The following IFNGR1 variants were observed in gnomAD, a reference collection of about 807,000 sequenced individuals.
IFNGR1 encodes the protein AVP, type 2.
In IFNGR1, 23 loss-of-function variants were observed where a neutral mutation model predicts 35.4. That is an observed-to-expected ratio of 0.65 (90% CI 0.47 to 0.92). IFNGR1 has a LOEUF of 0.92. Ranked by LOEUF, IFNGR1 falls within the 40% of genes least tolerant of loss-of-function variation. IFNGR1 has a pLI of 0.00. For missense variants in IFNGR1, 533 were observed against 583.4 expected, an observed-to-expected ratio of 0.91 and a Z score of 0.89; for synonymous variants, 199 against 209.5, an observed-to-expected ratio of 0.95 and a Z score of 0.43.
intron 1 of IFNGR1, among the ~76,000 whole-genome samples, chr6:137,212,464 G>T (rs890782916): frequency 2.0e-5 from 3 of 152,138 alleles, no homozygotes; most frequent in Admixed American, 6.5e-5. Flanking sequence ...CACCATGTTG[G>T]TCAGGCTGGT....
At position 137,197,858 on chromosome 6, in the gene IFNGR1, A is replaced by G; in HGVS notation, c.*173T>C. 1.2e-6 allele frequency: 1 copy of G among 803,506 alleles called. No individual in the cohort carries two copies. The highest frequency in any genetic ancestry group is 1.9e-6 in the Non-Finnish European group (1 of 516,474). 49.8% of individuals were successfully genotyped at this position (803,506 alleles called of 1,614,324 possible). A position where few individuals can be genotyped will look rare whatever the true frequency, so the allele number is the denominator to read the frequency against. On this transcript the variant is annotated 3_prime_UTR_variant, in exon 7 of 7. Coordinates refer to ENST00000367739, the MANE Select transcript of IFNGR1 (RefSeq NM_000416.3). ...AAAAAAAAAAAGTCTGTACTTTACAAGCCAAAAGTGAAAATGCCACACATC... is the reference window on the plus strand; with the variant it reads ...AAAAAAAAAAAGTCTGTACTTTACAGGCCAAAAGTGAAAATGCCACACATC...
At chr6:137,205,843 G>T (rs575272855) in intron 3 of IFNGR1, among the ~76,000 whole-genome samples, 30 of 152,140 alleles carry the variant, frequency 2.0e-4, no homozygotes, top group Non-Finnish European at 2.6e-4. Flanking sequence ...TTTTTTTCTG[G>T]ATTCTGGAAT....
chr6:137,211,528 C>T (rs2114503851), intron 1 of IFNGR1, among the ~76,000 whole-genome samples: 1 of 152,286 alleles, frequency 6.6e-6, no homozygotes, highest in East Asian at 1.9e-4. Context: ...GACCAGACAC[C>T]TAGGTTTTCT....
intron 2 of IFNGR1, chr6:137,206,745 T>A: frequency 1.8e-6 from 1 of 555,674 alleles, no homozygotes; most frequent in Non-Finnish European, 3.2e-6. Context: ...ATCTCAGAAG[T>A]TTAGTGATAC....
Position 137,204,493 on chromosome 6 carries a change from G to A in IFNGR1, c.385C>T (p.Pro129Ser), listed in dbSNP as rs769242277. The A allele has an allele frequency of 1.9e-6, 3 of 1,613,266 alleles. No homozygotes were observed. Among genetic ancestry groups the A allele is most frequent in the Non-Finnish European group, 2.5e-6 (3 of 1,179,272 alleles). Residue 129 changes from proline (P) to serine (S), a missense_variant, in exon 4 of 7, where the codon CCA becomes TCA. By Grantham distance (74) the Pro-to-Ser change is moderately conservative (BLOSUM62 -1). Transcript: ENST00000367739. Reference protein sequence around the residue: ...FAVCRDGKIGPPKLDIRKEEK... With the variant: ...FAVCRDGKIGSPKLDIRKEEK... ...TCCTTTCTGATATCCAGTTTAGGTG[G>A]TCCAATTTTTCCTGGGGAAGGAGGA...
intron 1 of IFNGR1, chr6:137,210,109 G>C: frequency 2.8e-6 from 1 of 356,710 alleles, no homozygotes; most frequent in Non-Finnish European, 5.0e-6. Context: ...CCAGCATTTT[G>C]GGAGGCTGAG....
intron 1 of IFNGR1, among the ~76,000 whole-genome samples, chr6:137,207,894 C>G (rs1779480269): frequency 6.6e-6 from 1 of 152,140 alleles, no homozygotes. Context: ...CAGGCAGAGA[C>G]TGGAACAGTT....
At chr6:137,205,148 G>A (rs1582636083) in intron 3 of IFNGR1, among the ~76,000 whole-genome samples, 1 of 152,308 alleles carries the variant, frequency 6.6e-6, no homozygotes, top group East Asian at 1.9e-4. Flanking sequence ...CTAACATGCA[G>A]ATGGTGTGGT....
At chr6:137,206,810 C>G (rs1256022776) in intron 2 of IFNGR1, 153 bp downstream of exon 2, 7 of 626,998 alleles carry the variant, frequency 1.1e-5, no homozygotes, top group Non-Finnish European at 1.7e-5. Context: ...AAATATTTGG[C>G]AAAGAATTTG....
chr6:137,213,064 T>C (rs1002163598), intron 1 of IFNGR1, among the ~76,000 whole-genome samples: 6 of 152,354 alleles, frequency 3.9e-5, no homozygotes, highest in African/African-American at 1.4e-4. Context: ...CAAAATAATA[T>C]GACAGACATA....
At position 137,197,750 on chromosome 6, in the gene IFNGR1, C is replaced by G; in HGVS notation, c.*281G>C. ...GGGGCATCACCTGCTCACCTAGGAA[C>G]CAGGAGTACTGGATACTGTTCCGTT... On this transcript the variant is annotated 3_prime_UTR_variant, in exon 7 of 7. Transcript: ENST00000367739. The G allele has an allele frequency of 2.9e-6, 1 of 349,870 alleles. No homozygotes were observed. The allele number at this position is 349,870 out of a possible 1,614,324, so 21.7% of individuals were successfully genotyped here. A position where few individuals can be genotyped will look rare whatever the true frequency, so the allele number is the denominator to read the frequency against.
chr6:137,207,038 A>G lies in IFNGR1; in HGVS notation c.125T>C (p.Met42Thr). ...GTACTCCCAATATACGATAGGGTTC[A>G]TGTTATAGGATTCAATTGTAACATT... is the stretch of plus-strand genomic sequence containing the variant. ...PTNVTIESYN[M>T]NPIVYWEYQI... The change falls in exon 2 of 7, where the codon ATG becomes ACG. Residue 42 changes from methionine to threonine, a missense_variant. Transcript: ENST00000367739. 6.2e-7 allele frequency: 1 copy of G among 1,614,028 alleles called. No homozygotes were observed. The highest frequency in any genetic ancestry group is 8.5e-7 in the Non-Finnish European group (1 of 1,179,912).
Position 137,199,514 on chromosome 6 carries a change from A to AT in IFNGR1, c.862-876_862-875insA, listed in dbSNP as rs1232921273. Among the ~76,000 whole-genome samples, 3 of 56,106 alleles carry AT rather than the reference A, an allele frequency of 5.3e-5. 1 individual carries two copies. The highest frequency in any genetic ancestry group is 3.5e-4 in the South Asian group (1 of 2,852). The allele number at this position is 56,106 out of a possible 152,430, so 36.8% of individuals were successfully genotyped here. A position where few individuals can be genotyped will look rare whatever the true frequency, so the allele number is the denominator to read the frequency against. On this transcript the variant is annotated intron_variant, in intron 6 of 6. Coordinates refer to ENST00000367739, the MANE Select transcript of IFNGR1 (RefSeq NM_000416.3). Reference sequence around the variant, plus strand: ...ATATTATATAAAATATATAATTTATAATATATTATATATAATATATAATAT... The same window carrying AT: ...ATATTATATAAAATATATAATTTATATATATATTATATATAATATATAATAT...
intron 6 of IFNGR1, among the ~76,000 whole-genome samples, 181 bp downstream of exon 6, chr6:137,200,700 C>G (rs1205508929): frequency 6.7e-6 from 1 of 149,210 alleles, no homozygotes; most frequent in Admixed American, 6.7e-5. Context: ...AAAAAAAAAA[C>G]AAAATACTTG....
In IFNGR1 at chr6:137,198,026, T is replaced by C; in HGVS notation, c.*5A>G. 6.2e-7 allele frequency: 1 copy of C among 1,614,002 alleles called. No individual in the cohort carries two copies. ...GACTTCAAAGTTGGTGCAACTTAGC[T>C]GATCTCATGAAAATTCTTTGGAATC... On this transcript the variant is annotated 3_prime_UTR_variant, in exon 7 of 7. Coordinates refer to ENST00000367739, the MANE Select transcript of IFNGR1 (RefSeq NM_000416.3).
chr6:137,200,969 A>G lies in IFNGR1; in HGVS notation c.773T>C (p.Phe258Ser). 1.2e-6 allele frequency: 2 copies of G among 1,613,248 alleles called. No individual in the cohort carries two copies. ...WIPVVAALLL[F>S]LVLSLVFICF... ...GATGAATACCAGGCTAAGCACTAGA[A>G]AGAGTAGTAAAGCAGCAACAACTGG... Residue 258 changes from phenylalanine to serine, a missense_variant, in exon 6 of 7, where the codon TTT becomes TCT. Transcript: ENST00000367739.
Position 137,200,699 on chromosome 6 carries a change from A to C in IFNGR1, c.861+182T>G, listed in dbSNP as rs548195428. Among the ~76,000 whole-genome samples, 335 of 151,486 alleles carry C rather than the reference A, an allele frequency of 2.2e-3. 2 individuals are homozygous for C. The highest frequency in any genetic ancestry group is 6.9e-3 in the African/African-American group (288 of 41,458). ...TTTTTCCCTGAGAATAAAAAAAAAA[A>C]CAAAATACTTGCTGCACAGCAAAAG... On this transcript the variant is annotated intron_variant, in intron 6 of 6. Coordinates refer to ENST00000367739, the MANE Select transcript of IFNGR1 (RefSeq NM_000416.3).
chr6:137,210,359 C>T (rs559729181), intron 1 of IFNGR1, among the ~76,000 whole-genome samples: 41 of 151,926 alleles, frequency 2.7e-4, no homozygotes, highest in Non-Finnish European at 5.9e-4. Flanking sequence ...GGTTGTTATC[C>T]AACACCCCTT....
chr6:137,207,934 T>G (rs967601373), intron 1 of IFNGR1, among the ~76,000 whole-genome samples: 1 of 152,168 alleles, frequency 6.6e-6, no homozygotes, highest in African/African-American at 2.4e-5. Flanking sequence ...AGGAAAATGT[T>G]TGGAACTTTA....
Sources: allele counts gnomAD v4.1 joint callset (sites outside exome capture counted in the v4.1 genomes callset), GRCh38; gene constraint gnomAD v4.1.1; transcripts MANE v1.5; gene names NCBI Gene and HGNC (gene_info 2026-07-23, HGNC 2026-07-21).